Variants in MTUS2 observed in about 807,000 individuals in gnomAD.
The protein encoded by MTUS2 is microtubule-associated tumor suppressor candidate 2.
A neutral mutation model predicts 114.1 loss-of-function variants in MTUS2; 40 were observed. The observed-to-expected ratio is 0.35, with a 90% CI of 0.27 to 0.46. MTUS2 has a LOEUF of 0.46. Among genes scored for constraint, MTUS2 ranks in the 20% least tolerant of loss-of-function variants. The probability of loss-of-function intolerance (pLI) is 1.00; values close to 1 mark genes in which losing one functional copy is unlikely to be tolerated. For missense variants in MTUS2, 1,679 were observed against 1,705.4 expected (o/e 0.98, Z 0.27); for synonymous variants, 688 against 672.0 (o/e 1.02, Z -0.37).
At position 28,848,423 on chromosome 13, in the gene MTUS2, T is replaced by C. The variant is rs148173254; in HGVS notation, c.-243+8573T>C. On this transcript the variant is annotated intron_variant, in intron 2 of 15. Transcript: ENST00000612955. Reference sequence around the variant, plus strand: ...TATCTGTAGTATTGTATGACAATAATTGCTGTTCTGAAAAATAGTGTTAGA... The same window carrying C: ...TATCTGTAGTATTGTATGACAATAACTGCTGTTCTGAAAAATAGTGTTAGA... 3.9e-3 allele frequency among the ~76,000 whole-genome samples: 592 copies of C among 152,250 alleles called. 3 individuals are homozygous for C. Among genetic ancestry groups the C allele is most frequent in the Non-Finnish European group, 6.4e-3 (433 of 68,016 alleles).
chr13:29,412,613 G>T (rs1467693708), intron 8 of MTUS2, among the ~76,000 whole-genome samples: 1 of 152,170 alleles, frequency 6.6e-6, no homozygotes, highest in Non-Finnish European at 1.5e-5. Flanking sequence ...GGAAGGACAA[G>T]TGCAGTGACT....
intron 8 of MTUS2, among the ~76,000 whole-genome samples, chr13:29,366,566 G>A (rs758596264): frequency 1.3e-5 from 2 of 152,158 alleles, no homozygotes; most frequent in African/African-American, 4.8e-5. Context: ...CCTTCCTCAG[G>A]GGGTAGAGTA....
chr13:28,878,514 G>A (rs1566193298), intron 2 of MTUS2, among the ~76,000 whole-genome samples: 1 of 152,074 alleles, frequency 6.6e-6, no homozygotes, highest in Non-Finnish European at 1.5e-5. Context: ...GCCCTAGTAT[G>A]TGTTGTTCTT....
intron 15 of MTUS2, among the ~76,000 whole-genome samples, chr13:29,502,544 AG>A (rs1436900634): frequency 2.6e-5 from 4 of 152,216 alleles, no homozygotes; most frequent in African/African-American, 9.6e-5. Flanking sequence ...TGGGGCAGGG[AG>A]GCCAGGAGAA....
chr13:29,371,735 T>C (rs1031142864), intron 8 of MTUS2, among the ~76,000 whole-genome samples: 5 of 152,182 alleles, frequency 3.3e-5, no homozygotes, highest in Non-Finnish European at 7.4e-5. Context: ...TCCTTTGATC[T>C]TCTCAGCACT....
chr13:28,977,840 C>T (rs909399424), intron 2 of MTUS2, among the ~76,000 whole-genome samples: 1 of 152,150 alleles, frequency 6.6e-6, no homozygotes, highest in East Asian at 1.9e-4. Flanking sequence ...CCTAGAAAAT[C>T]ATCATCTTTG....
At chr13:29,364,345 T>C (rs1275915876) in intron 8 of MTUS2, among the ~76,000 whole-genome samples, 2 of 152,126 alleles carry the variant, frequency 1.3e-5, no homozygotes, top group Non-Finnish European at 2.9e-5. Flanking sequence ...ACCCGATGCC[T>C]GCTGTCTGCA....
intron 2 of MTUS2, among the ~76,000 whole-genome samples, chr13:28,940,863 G>T (rs138168673): frequency 2.0e-5 from 3 of 152,114 alleles, no homozygotes; most frequent in African/African-American, 4.8e-5. Flanking sequence ...AATGAGTGGG[G>T]GATGGAGGCT....
chr13:29,120,740 T>C (rs1293749426), intron 5 of MTUS2, among the ~76,000 whole-genome samples: 3 of 152,204 alleles, frequency 2.0e-5, no homozygotes, highest in African/African-American at 7.2e-5. Flanking sequence ...GCTGATCCCC[T>C]TGGGGTCCGA....
intron 8 of MTUS2, among the ~76,000 whole-genome samples, chr13:29,365,925 A>G (rs1870672479): frequency 6.6e-6 from 1 of 152,208 alleles, no homozygotes; most frequent in Admixed American, 6.5e-5. Flanking sequence ...CTCTCTAACA[A>G]GAGGAGATAT....
At chr13:29,288,950 C>T (rs1216451783) in intron 6 of MTUS2, among the ~76,000 whole-genome samples, 1 of 152,176 alleles carries the variant, frequency 6.6e-6, no homozygotes, top group African/African-American at 2.4e-5. Context: ...TGTTTTGCAA[C>T]ACTACTTTTT....
intron 5 of MTUS2, among the ~76,000 whole-genome samples, chr13:29,225,291 G>A (rs1054910693): frequency 2.0e-5 from 3 of 152,026 alleles, no homozygotes; most frequent in Non-Finnish European, 4.4e-5. Flanking sequence ...TTTTTAATCC[G>A]TTACTGGCAT....
intron 2 of MTUS2, among the ~76,000 whole-genome samples, chr13:28,956,317 C>T (rs989384251): frequency 9.9e-5 from 15 of 152,190 alleles, no homozygotes; most frequent in African/African-American, 2.9e-4. Flanking sequence ...TCCCCAGCAC[C>T]GGGTAGGAGT....
upstream of MTUS2, among the ~76,000 whole-genome samples, chr13:28,820,186 C>CGGAGCCG (rs940647676): frequency 2.0e-5 from 3 of 146,604 alleles, no homozygotes; most frequent in Admixed American, 2.0e-4. Flanking sequence ...GCGGCCGCGG[C>CGGAGCCG]GGAGCCGGGA....
At chr13:28,966,912 A>G (rs553699091) in intron 2 of MTUS2, among the ~76,000 whole-genome samples, 9 of 152,300 alleles carry the variant, frequency 5.9e-5, no homozygotes, top group African/African-American at 2.2e-4. Context: ...CTCAGAGGAA[A>G]TTTGTACAAG....
At chr13:29,466,099 CTG>C (rs1306760217) in intron 9 of MTUS2, among the ~76,000 whole-genome samples, 1 of 152,256 alleles carries the variant, frequency 6.6e-6, no homozygotes, top group African/African-American at 2.4e-5. Flanking sequence ...TCCAATGCCG[CTG>C]TCTCAGACAG....
At chr13:29,318,402 T>TTTCTTTTTTTTTTTTTTTTTA (rs398117152) in intron 6 of MTUS2, among the ~76,000 whole-genome samples, 3 of 151,066 alleles carry the variant, frequency 2.0e-5, no homozygotes, top group African/African-American at 7.3e-5. Flanking sequence ...TTTTTTTTTT[T>TTTCTTTTTTTTTTTTTTTTTA]GAGATGACAG....
chr13:28,896,181 T>G (rs899131136), intron 2 of MTUS2, among the ~76,000 whole-genome samples: 13 of 152,140 alleles, frequency 8.5e-5, no homozygotes, highest in African/African-American at 3.1e-4. Flanking sequence ...ACCAGTGGGA[T>G]TCCAACAGCA....
chr13:28,948,234 C>T (rs1405657473), intron 2 of MTUS2, among the ~76,000 whole-genome samples: 2 of 152,068 alleles, frequency 1.3e-5, no homozygotes, highest in African/African-American at 4.8e-5. Flanking sequence ...TGTGTGACTT[C>T]TGTATTCCTC....
Sources: gnomAD v4.1 joint callset for allele counts (sites outside exome capture counted in the v4.1 genomes callset) on GRCh38, gnomAD v4.1.1 for gene constraint, MANE v1.5 for transcripts, NCBI Gene and HGNC (gene_info 2026-07-23, HGNC 2026-07-21) for gene names.